The following SRPK1 variants were observed in gnomAD, a reference collection of about 807,000 sequenced individuals.
SRPK1 encodes SRSF protein kinase 1.
A neutral mutation model predicts 89.5 loss-of-function variants in SRPK1; 52 were observed. The ratio of observed to expected loss-of-function variants is 0.58; its 90% confidence interval spans 0.46 to 0.73. The LOEUF is 0.73. SRPK1 is among the 30% of genes least tolerant of loss of function. The pLI, the probability that SRPK1 is intolerant of heterozygous loss-of-function variation, is 0.00. For synonymous variants in SRPK1, 255 were observed against 270.2 expected (o/e 0.94, Z 0.55); for missense variants, 603 against 780.6 (o/e 0.77, Z 2.71).
chr6:35,874,863 G>A (rs1770120364), intron 6 of SRPK1, among the ~76,000 whole-genome samples: 1 of 152,144 alleles, frequency 6.6e-6, no homozygotes, highest in Admixed American at 6.5e-5. Context: ...CTTGCTTAAT[G>A]CTCTGTATTT....
intron 2 of SRPK1, among the ~76,000 whole-genome samples, chr6:35,915,540 CAA>C (rs551760629): frequency 1.9e-4 from 29 of 151,962 alleles, no homozygotes; most frequent in Middle Eastern, 6.8e-3. Context: ...ATGATTTGTC[CAA>C]AAGATTATTC....
chr6:35,904,487 A>T (rs1285100055), intron 2 of SRPK1, among the ~76,000 whole-genome samples: 1 of 152,194 alleles, frequency 6.6e-6, no homozygotes, highest in Non-Finnish European at 1.5e-5. Flanking sequence ...CCTGTAAACA[A>T]AAGTATACAA....
chr6:35,836,386 C>T (rs1203072495), intron 15 of SRPK1, among the ~76,000 whole-genome samples: 1 of 152,116 alleles, frequency 6.6e-6, no homozygotes, highest in Non-Finnish European at 1.5e-5. Flanking sequence ...GAGTATCAAC[C>T]TAATTGCTTC....
chr6:35,839,982 T>G (rs965645773), intron 14 of SRPK1, among the ~76,000 whole-genome samples: 1 of 151,902 alleles, frequency 6.6e-6, no homozygotes, highest in Non-Finnish European at 1.5e-5. Context: ...CTGGCCTGTA[T>G]TTTTTGTAGA....
chr6:35,856,612 C>T (rs936378671), intron 13 of SRPK1, among the ~76,000 whole-genome samples: 2 of 152,074 alleles, frequency 1.3e-5, no homozygotes, highest in East Asian at 1.9e-4. Context: ...AGCCATGATT[C>T]CTGACAATAT....
At chr6:35,846,632 T>G in intron 13 of SRPK1, among the ~76,000 whole-genome samples, 1 of 150,550 alleles carries the variant, frequency 6.6e-6, no homozygotes, top group Non-Finnish European at 1.5e-5. Flanking sequence ...ACCACAGAAC[T>G]ACAAAGGATA....
intron 7 of SRPK1, 76 bp from the exon 8 acceptor site, chr6:35,872,804 C>G: frequency 9.0e-7 from 1 of 1,110,530 alleles, no homozygotes; most frequent in Non-Finnish European, 1.2e-6. Context: ...TATAACATGA[C>G]ATTAAAAAAA....
chr6:35,919,010 C>T (rs1385869874), intron 2 of SRPK1, among the ~76,000 whole-genome samples: 2 of 152,130 alleles, frequency 1.3e-5, no homozygotes, highest in African/African-American at 4.8e-5. Flanking sequence ...TAGAAAAGAA[C>T]GTTTTAACAC....
intron 2 of SRPK1, among the ~76,000 whole-genome samples, chr6:35,906,366 A>G (rs1434441339): frequency 6.6e-5 from 10 of 152,162 alleles, no homozygotes; most frequent in African/African-American, 2.2e-4. Flanking sequence ...CTGGGATTAC[A>G]GGCGTGCACC....
At chr6:35,835,721 T>G (rs1226645054) in intron 15 of SRPK1, among the ~76,000 whole-genome samples, 2 of 152,168 alleles carry the variant, frequency 1.3e-5, no homozygotes, top group African/African-American at 2.4e-5. Context: ...TCCCCTATTC[T>G]AGGATTTTTT....
rs771188043 is a variant in SRPK1, at chr6:35,857,328, C to A, written c.1553G>T (p.Arg518Leu). 6.2e-7 allele frequency: 1 copy of A among 1,612,768 alleles called. No individual in the cohort carries two copies. Among genetic ancestry groups the A allele is most frequent in the Non-Finnish European group, 8.5e-7 (1 of 1,179,508 alleles). Reference protein sequence around the residue: ...FTEDIQTRQYRSLEVLIGSGY... With the variant: ...FTEDIQTRQYLSLEVLIGSGY... ...AGATCCGATTAGAACTTCCAAGGAA[C>A]GATATTGCCTTGTTTGAATATCTTC... The change falls in exon 13 of 16, where the codon CGT becomes CTT. Residue 518 changes from arginine to leucine, a missense_variant. Physicochemically the swap from Arg to Leu is moderately radical, Grantham distance 102. Coordinates refer to ENST00000373825, the MANE Select transcript of SRPK1 (RefSeq NM_003137.5).
intron 2 of SRPK1, among the ~76,000 whole-genome samples, chr6:35,910,479 C>T (rs1770937045): frequency 6.6e-6 from 1 of 152,112 alleles, no homozygotes; most frequent in African/African-American, 2.4e-5. Context: ...AGAAAGAAGC[C>T]ATCCCCATAA....
intron 15 of SRPK1, among the ~76,000 whole-genome samples, chr6:35,837,837 C>T (rs898545150): frequency 3.3e-5 from 5 of 151,134 alleles, no homozygotes; most frequent in Admixed American, 2.0e-4. Context: ...GGATTACAGG[C>T]GTGAGCCACC....
intron 8 of SRPK1, among the ~76,000 whole-genome samples, chr6:35,871,332 A>G (rs1770031994): frequency 1.3e-5 from 2 of 152,238 alleles, no homozygotes; most frequent in African/African-American, 2.4e-5. Flanking sequence ...TCTAGGTGAC[A>G]TCAAGAGCTA....
chr6:35,891,727 C>CA (rs71540131), intron 2 of SRPK1, among the ~76,000 whole-genome samples: 7,848 of 93,852 alleles, frequency 0.084, 404 homozygotes, highest in African/African-American at 0.19. Context: ...AACTCTGTCT[C>CA]AAAAAAAAAA....
intron 2 of SRPK1, among the ~76,000 whole-genome samples, chr6:35,905,923 G>A (rs536538230): frequency 1.3e-5 from 2 of 152,196 alleles, no homozygotes; most frequent in South Asian, 4.1e-4. Flanking sequence ...TCTAGTCACA[G>A]AAAAAGCATA....
Position 35,913,930 on chromosome 6 carries a change from G to A in SRPK1, c.74+6538C>T, listed in dbSNP as rs1283469150. ...ACATCTGAAGGACCTATAACAAGCT[G>A]AGAAATAAAAGTCTGCCGCACAACA... On this transcript the variant is annotated intron_variant, in intron 2 of 15. Coordinates refer to ENST00000373825, the MANE Select transcript of SRPK1 (RefSeq NM_003137.5). Among the ~76,000 whole-genome samples, 18 of 148,398 alleles carry A rather than the reference G, an allele frequency of 1.2e-4. No homozygotes were observed. In the East Asian group the frequency reaches 1.4e-3, roughly 11 times the overall value.
At chr6:35,916,359 T>TA (rs1771102765) in intron 2 of SRPK1, among the ~76,000 whole-genome samples, 1 of 151,708 alleles carries the variant, frequency 6.6e-6, no homozygotes. Context: ...AGGCAGACCC[T>TA]AAAAAAAATA....
chr6:35,903,437 G>T lies in SRPK1; in HGVS notation c.75-12424C>A, dbSNP rs562746587. Among the ~76,000 whole-genome samples the T allele has an allele frequency of 2.0e-5, 3 of 151,922 alleles. No individual in the cohort carries two copies. In the East Asian group the frequency reaches 5.8e-4, roughly 29 times the overall value. Reference sequence around the variant, plus strand: ...TGAAGCACGAGAATCACTTGAACCCGGGAGACAGAGGTTGCAGTGAGCCGA... The same window carrying T: ...TGAAGCACGAGAATCACTTGAACCCTGGAGACAGAGGTTGCAGTGAGCCGA... On this transcript the variant is annotated intron_variant, in intron 2 of 15. Coordinates refer to ENST00000373825, the MANE Select transcript of SRPK1 (RefSeq NM_003137.5).
Sources: allele counts gnomAD v4.1 joint callset (sites outside exome capture counted in the v4.1 genomes callset), GRCh38; gene constraint gnomAD v4.1.1; transcripts MANE v1.5; gene names NCBI Gene and HGNC (gene_info 2026-07-23, HGNC 2026-07-21).